GRHL2: variants seen among roughly 807,000 people sequenced by gnomAD.
GRHL2 encodes the protein grainyhead-like protein 2 homolog.
A neutral mutation model predicts 83.8 loss-of-function variants in GRHL2; 21 were observed. That is an observed-to-expected ratio of 0.25 (90% CI 0.18 to 0.36). The LOEUF (loss-of-function observed/expected upper bound fraction) is 0.36, where lower values mean the gene tolerates loss of function less well. Ranked by LOEUF, GRHL2 falls within the 10% of genes least tolerant of loss-of-function variation. The probability of loss-of-function intolerance (pLI) is 1.00; values close to 1 mark genes in which losing one functional copy is unlikely to be tolerated. For synonymous variants in GRHL2, 280 were observed against 278.9 expected (o/e 1.00, Z -0.04); for missense variants, 623 against 781.8 (o/e 0.80, Z 2.42).
chr8:101,556,216 C>A (rs753257957), intron 3 of GRHL2, among the ~76,000 whole-genome samples: 8 of 152,168 alleles, frequency 5.3e-5, no homozygotes, highest in Non-Finnish European at 8.8e-5. Flanking sequence ...CTCGGCCTCC[C>A]AAAGTGCTGG....
chr8:101,549,902 G>T (rs1811343061), intron 2 of GRHL2, among the ~76,000 whole-genome samples: 1 of 151,536 alleles, frequency 6.6e-6, no homozygotes, highest in African/African-American at 2.4e-5. Flanking sequence ...TCGTATCATG[G>T]GGTATTAAAT....
chr8:101,651,675 C>G (rs550331724), intron 14 of GRHL2, among the ~76,000 whole-genome samples: 1 of 152,234 alleles, frequency 6.6e-6, no homozygotes, highest in African/African-American at 2.4e-5. Context: ...GCTGTTGATC[C>G]CTTTTAGTGG....
At chr8:101,663,170 G>A (rs571376131) in intron 14 of GRHL2, among the ~76,000 whole-genome samples, 4 of 152,160 alleles carry the variant, frequency 2.6e-5, no homozygotes, top group African/African-American at 9.6e-5. Context: ...AAGGATATAT[G>A]CATTAAAAAT....
At position 101,573,701 on chromosome 8, in the gene GRHL2, A is replaced by G. The variant is rs2130230998; in HGVS notation, c.768A>G (p.Lys256=). 3 of 1,614,142 alleles carry G rather than the reference A, an allele frequency of 1.9e-6. No homozygotes were observed. Among genetic ancestry groups the G allele is most frequent in the Non-Finnish European group, 2.5e-6 (3 of 1,180,026 alleles). Residue 256 remains lysine (K), a synonymous_variant, in exon 6 of 16, where the codon AAA becomes AAG. Transcript: ENST00000646743. ...GTFQYTLEAT[K]SLRQKQGEGP... ...TTCAGTACACCCTGGAAGCCACCAAATCTCTCCGTCAGAAGCAGGGGGAGG... is the reference window on the plus strand; with the variant it reads ...TTCAGTACACCCTGGAAGCCACCAAGTCTCTCCGTCAGAAGCAGGGGGAGG...
chr8:101,646,496 C>T (rs1465732815), intron 13 of GRHL2, among the ~76,000 whole-genome samples: 1 of 152,132 alleles, frequency 6.6e-6, no homozygotes, highest in African/African-American at 2.4e-5. Flanking sequence ...GCACTTTCCT[C>T]GGGAGTGATT....
In GRHL2 at chr8:101,600,419, G is replaced by A. The variant is rs191663932; in HGVS notation, c.1098+1268G>A. Among the ~76,000 whole-genome samples the A allele has an allele frequency of 3.0e-4, 46 of 152,322 alleles. 1 individual carries two copies. In the East Asian group the frequency reaches 7.3e-3, roughly 24 times the overall value. ...TAACCTCCTCGGCTACCCGAGCCCC[G>A]TTCTCCCTGCCCCTGCCCTCTCCTG... On this transcript the variant is annotated intron_variant, in intron 8 of 15. Coordinates refer to ENST00000646743, the MANE Select transcript of GRHL2 (RefSeq NM_024915.4).
At chr8:101,580,456 C>T (rs1812026522) in intron 7 of GRHL2, among the ~76,000 whole-genome samples, 1 of 152,192 alleles carries the variant, frequency 6.6e-6, no homozygotes, top group Non-Finnish European at 1.5e-5. Flanking sequence ...TCATCCCTCC[C>T]TCCCCGTCAC....
chr8:101,656,917 G>A (rs182312007), intron 14 of GRHL2, among the ~76,000 whole-genome samples: 3 of 115,462 alleles, frequency 2.6e-5, no homozygotes, highest in African/African-American at 4.0e-5. Context: ...GGCAATGACC[G>A]TGAGTGCTAT....
the GRHL2 span, among the ~76,000 whole-genome samples, chr8:101,679,309 GGAA>G: frequency 1.3e-5 from 2 of 150,034 alleles, no homozygotes; most frequent in Non-Finnish European, 3.0e-5. Context: ...GCAATCAACT[GGAA>G]GAAAGGGTAT....
At chr8:101,517,346 A>G (rs1028616158) in intron 1 of GRHL2, among the ~76,000 whole-genome samples, 2 of 152,072 alleles carry the variant, frequency 1.3e-5, no homozygotes, top group Non-Finnish European at 2.9e-5. Context: ...TCTGCTGAGG[A>G]TGATTCATGG....
chr8:101,573,567 C>T lies in GRHL2; in HGVS notation c.735-101C>T, dbSNP rs559452373. 36 of 1,413,160 alleles carry T rather than the reference C, an allele frequency of 2.5e-5. 1 individual carries two copies. The Admixed American group carries it at 2.9e-4, about 11-fold the overall frequency. The allele number at this position is 1,413,160 out of a possible 1,614,324, so 87.5% of individuals were successfully genotyped here. A position where few individuals can be genotyped will look rare whatever the true frequency, so the allele number is the denominator to read the frequency against. On this transcript the variant is annotated intron_variant, in intron 5 of 15. Coordinates refer to ENST00000646743, the MANE Select transcript of GRHL2 (RefSeq NM_024915.4). Reference sequence around the variant, plus strand: ...TGTGTTTTGTCTCTAAAACAGTAAACATTGGTTAATGTTCATGTGAAATGC... The same window carrying T: ...TGTGTTTTGTCTCTAAAACAGTAAATATTGGTTAATGTTCATGTGAAATGC...
chr8:101,633,454 A>G (rs1463463487), intron 11 of GRHL2, among the ~76,000 whole-genome samples: 1 of 152,118 alleles, frequency 6.6e-6, no homozygotes, highest in Non-Finnish European at 1.5e-5. Context: ...AGAAATCCCT[A>G]CTGGCTTTAC....
At chr8:101,573,083 A>G (rs1811859808) in intron 5 of GRHL2, among the ~76,000 whole-genome samples, 1 of 152,242 alleles carries the variant, frequency 6.6e-6, no homozygotes, top group Non-Finnish European at 1.5e-5. Context: ...CAACCCTGCC[A>G]TGAGTTCTTC....
intron 14 of GRHL2, among the ~76,000 whole-genome samples, chr8:101,659,151 G>A (rs1430756954): frequency 2.0e-5 from 3 of 152,196 alleles, no homozygotes; most frequent in East Asian, 1.9e-4. Context: ...ATCTATGGGT[G>A]AGACTAATAA....
intron 1 of GRHL2, among the ~76,000 whole-genome samples, chr8:101,538,211 C>T (rs550591738): frequency 6.6e-6 from 1 of 152,250 alleles, no homozygotes; most frequent in South Asian, 2.1e-4. Context: ...GTTAAGCTTC[C>T]TCTGCTTCTC....
chr8:101,677,567 T>G, the GRHL2 span, among the ~76,000 whole-genome samples: 44 of 152,240 alleles, frequency 2.9e-4, no homozygotes, highest in Non-Finnish European at 5.1e-4. Flanking sequence ...TTTACCTGTC[T>G]GTCTTCATGA....
At chr8:101,674,406 A>G (rs1344248870), downstream of GRHL2, among the ~76,000 whole-genome samples, 1 of 152,160 alleles carries the variant, frequency 6.6e-6, no homozygotes, top group African/African-American at 2.4e-5. Context: ...AATACAAACT[A>G]CCATCAGAGA....
chr8:101,680,076 T>C, the GRHL2 span, among the ~76,000 whole-genome samples: 1 of 118,110 alleles, frequency 8.5e-6, no homozygotes, highest in African/African-American at 3.6e-5. Context: ...CACATAACAA[T>C]ATTAACCTTA....
intron 9 of GRHL2, among the ~76,000 whole-genome samples, chr8:101,627,209 A>T (rs1468388142): frequency 1.3e-5 from 2 of 152,094 alleles, no homozygotes; most frequent in African/African-American, 4.8e-5. Flanking sequence ...AAATTTTTAC[A>T]AATGGAAGGT....
Sources: gnomAD v4.1 joint callset for allele counts (sites outside exome capture counted in the v4.1 genomes callset) on GRCh38, gnomAD v4.1.1 for gene constraint, MANE v1.5 for transcripts, NCBI Gene and HGNC (gene_info 2026-07-23, HGNC 2026-07-21) for gene names.